The following NUB1 variants were observed in gnomAD, a reference collection of about 807,000 sequenced individuals.
The protein encoded by NUB1 is NEDD8 ultimate buster 1.
NUB1 carries 41 observed loss-of-function variants against 77.1 expected under a neutral mutation model. The observed-to-expected ratio is 0.53, with a 90% confidence interval of 0.41 to 0.69. The LOEUF is 0.69. Ranked by LOEUF, NUB1 falls within the 30% of genes least tolerant of loss-of-function variation. The pLI is 0.00. For synonymous variants in NUB1, 257 were observed against 281.0 expected (o/e 0.91, Z 0.85); for missense variants, 643 against 743.8 (o/e 0.86, Z 1.58).
At chr7:151,360,704 C>T (rs141918494) in intron 8 of NUB1, 7 of 153,624 alleles carry the variant, frequency 4.6e-5, no homozygotes, top group African/African-American at 1.4e-4. Flanking sequence ...CTGCAACTTC[C>T]ATCTCCTGGG....
rs935776651 is a variant in NUB1, at chr7:151,355,686, A to C, written c.416-82A>C. 3.0e-6 allele frequency: 4 copies of C among 1,343,416 alleles called. No individual in the cohort carries two copies. The Admixed American group carries it at 8.3e-5, about 28-fold the overall frequency. 83.2% of individuals were successfully genotyped at this position (1,343,416 alleles called of 1,614,324 possible). ...AGACCTTGTCTCAAAAATAAAAACA[A>C]TTCCATTTAACATAGAAAATGGACT... On this transcript the variant is annotated intron_variant, in intron 5 of 14. Transcript: ENST00000568733.
At chr7:151,368,581 C>G (rs1048110577) in intron 10 of NUB1, among the ~76,000 whole-genome samples, 154 bp from the exon 11 acceptor site, 4 of 152,226 alleles carry the variant, frequency 2.6e-5, no homozygotes, top group African/African-American at 9.6e-5. Context: ...TCCATTTGTA[C>G]TTGTTAATAA....
chr7:151,345,835 T>C (rs765828784), intron 2 of NUB1, among the ~76,000 whole-genome samples: 1 of 152,250 alleles, frequency 6.6e-6, no homozygotes, highest in Non-Finnish European at 1.5e-5. Flanking sequence ...TATCATCATC[T>C]GCTGTGAAAC....
At chr7:151,366,557 C>G (rs1269660487) in intron 8 of NUB1, among the ~76,000 whole-genome samples, 1 of 152,052 alleles carries the variant, frequency 6.6e-6, no homozygotes, top group East Asian at 1.9e-4. Flanking sequence ...GTTGCTCTGG[C>G]CCAGGTGATG....
intron 7 of NUB1, among the ~76,000 whole-genome samples, chr7:151,359,624 G>T (rs1237869247): frequency 6.7e-6 from 1 of 148,302 alleles, no homozygotes; most frequent in African/African-American, 2.6e-5. Flanking sequence ...CTAAAAATAC[G>T]AAATTAGCCG....
chr7:151,363,295 C>G (rs1006258105), intron 8 of NUB1, among the ~76,000 whole-genome samples: 2 of 152,072 alleles, frequency 1.3e-5, no homozygotes, highest in Admixed American at 1.3e-4. Flanking sequence ...GGGAGACATT[C>G]AAAAGACCCA....
At chr7:151,341,952 G>C in intron 1 of NUB1, 106 bp downstream of exon 1, 1 of 1,343,260 alleles carries the variant, frequency 7.4e-7, no homozygotes, top group Non-Finnish European at 9.5e-7. Flanking sequence ...GGGTGGAGCG[G>C]CCGCGGGGCG....
In NUB1 at chr7:151,355,878, C is replaced by A. The variant is rs766919101; in HGVS notation, c.526C>A (p.Gln176Lys). The A allele has an allele frequency of 6.2e-7, 1 of 1,613,670 alleles. No homozygotes were observed. Among genetic ancestry groups the A allele is most frequent in the Non-Finnish European group, 8.5e-7 (1 of 1,179,780 alleles). ...AAACTTCCAGTTAGAGGAAGAGGAGCAAAATGAGGCCAAACTCAAAGAAAA... is the reference window on the plus strand; with the variant it reads ...AAACTTCCAGTTAGAGGAAGAGGAGAAAAATGAGGCCAAACTCAAAGAAAA... ...RKNFQLEEEE[Q>K]NEAKLKEKQI... is the part of the protein sequence containing the mutation. The change falls in exon 6 of 15, where the codon CAA becomes AAA. Residue 176 changes from glutamine to lysine, a missense_variant. Gln to Lys is a moderately conservative substitution (Grantham distance 53, BLOSUM62 1). Transcript: ENST00000568733.
At chr7:151,354,820 G>A (rs1372139438) in intron 5 of NUB1, among the ~76,000 whole-genome samples, 1 of 152,182 alleles carries the variant, frequency 6.6e-6, no homozygotes, top group Non-Finnish European at 1.5e-5. Flanking sequence ...GCAGCTCACT[G>A]CAGCCTCCAC....
chr7:151,376,827 T>C lies in NUB1; in HGVS notation c.1669+16T>C, dbSNP rs2150729291. ...GACTCCGCAGGTAGGTCTGAGGTCT[T>C]TGAGGGCCGCATTGAGAGCAAAGTG... On this transcript the variant is annotated intron_variant, in intron 14 of 14. Coordinates refer to ENST00000568733, the MANE Select transcript of NUB1 (RefSeq NM_001243351.2). 1 of 1,565,390 alleles carries C rather than the reference T, an allele frequency of 6.4e-7. No homozygotes were observed.
rs1258258293 is a variant in NUB1, at chr7:151,377,052, T to C, written c.1675T>C (p.Ser559Pro). The C allele has an allele frequency of 4.5e-6, 7 of 1,552,504 alleles. No individual in the cohort carries two copies. Among genetic ancestry groups the C allele is most frequent in the Non-Finnish European group, 6.1e-6 (7 of 1,151,244 alleles). Residue 559 changes from serine (S) to proline (P), a missense_variant, in exon 15 of 15, where the codon TCT (serine) becomes CCT (proline). Ser to Pro is a moderately conservative substitution (Grantham distance 74). Transcript: ENST00000568733. ...ATSPSDSAGTSSASTDEDMET... is the reference protein window; with the variant it reads ...ATSPSDSAGTPSASTDEDMET... Reference sequence around the variant, plus strand: ...CCTGCGGTATTTTATTGTAGGAACCTCTAGTGCCTCAACAGACGAAGACAT... The same window carrying C: ...CCTGCGGTATTTTATTGTAGGAACCCCTAGTGCCTCAACAGACGAAGACAT...
intron 7 of NUB1, among the ~76,000 whole-genome samples, chr7:151,359,645 C>G (rs1162240476): frequency 6.6e-6 from 1 of 150,788 alleles, no homozygotes; most frequent in Middle Eastern, 3.2e-3. Context: ...GGCATGGTGG[C>G]TCATGCCTGT....
rs1469030891 is a variant in NUB1, at chr7:151,355,768, G to A, written c.416G>A (p.Gly139Glu). The change falls in exon 6 of 15, where the codon GGG becomes GAG. Residue 139 changes from glycine (G) to glutamate (E), a missense_variant and splice_region_variant. By Grantham distance (98) the Gly-to-Glu change is moderately conservative. Transcript: ENST00000568733. ...TAATAGGCAGTTCTGATTTTTATAG[G>A]GAAAACCCTTGAAGAACAAGGCGTG... Reference protein sequence around the residue: ...IVINKKQLQLGKTLEEQGVAH... With the variant: ...IVINKKQLQLEKTLEEQGVAH... The A allele has an allele frequency of 3.8e-6, 6 of 1,581,684 alleles. No individual in the cohort carries two copies. Among genetic ancestry groups the A allele is most frequent in the Non-Finnish European group, 5.2e-6 (6 of 1,164,288 alleles).
chr7:151,366,904 G>A, intron 8 of NUB1, 35 bp from the exon 9 acceptor site: 3 of 1,527,090 alleles, frequency 2.0e-6, no homozygotes, highest in Non-Finnish European at 1.8e-6. Flanking sequence ...TTCAAATGCT[G>A]CTTGGCAGTG....
chr7:151,363,765 A>C (rs1164378009), intron 8 of NUB1, among the ~76,000 whole-genome samples: 1 of 151,588 alleles, frequency 6.6e-6, no homozygotes, highest in Non-Finnish European at 1.5e-5. Context: ...AAAGTTAGGT[A>C]AGTTTGGCTT....
intron 1 of NUB1, among the ~76,000 whole-genome samples, chr7:151,345,006 GA>G (rs201314563): frequency 4.6e-5 from 7 of 151,216 alleles, no homozygotes; most frequent in Non-Finnish European, 5.9e-5. Flanking sequence ...TCTCAAAAAA[GA>G]AAAAAAGAAG....
intron 11 of NUB1, among the ~76,000 whole-genome samples, chr7:151,371,268 T>TA (rs1797943058): frequency 6.6e-6 from 1 of 152,124 alleles, no homozygotes; most frequent in Non-Finnish European, 1.5e-5. Flanking sequence ...CGTTTACTTG[T>TA]AAAAAGTCCA....
At chr7:151,357,685 C>T (rs987058072) in intron 7 of NUB1, among the ~76,000 whole-genome samples, 1 of 151,242 alleles carries the variant, frequency 6.6e-6, no homozygotes, top group Admixed American at 6.6e-5. Flanking sequence ...TCTCAGCTCA[C>T]TGCAGCCTTC....
At chr7:151,360,062 T>A (rs1396179607) in intron 7 of NUB1, 79 bp from the exon 8 acceptor site, 16 of 644,986 alleles carry the variant, frequency 2.5e-5, no homozygotes, top group Non-Finnish European at 4.2e-5. Flanking sequence ...CTTTGTTTTT[T>A]AAAAAGTAAT....
Sources: allele counts gnomAD v4.1 joint callset (sites outside exome capture counted in the v4.1 genomes callset), GRCh38; gene constraint gnomAD v4.1.1; transcripts MANE v1.5; gene names NCBI Gene and HGNC (gene_info 2026-07-23, HGNC 2026-07-21).